The following A1BG variants were observed in gnomAD, a reference collection of about 807,000 sequenced individuals.
A1BG encodes alpha-1B-glycoprotein.
Under a neutral mutation model 46.0 loss-of-function variants are expected in A1BG, and 44 were observed. The observed-to-expected ratio is 0.96, with a 90% CI of 0.75 to 1.23. A1BG has a LOEUF of 1.23. A1BG is among the 50% of genes most tolerant of loss of function. A1BG has a pLI of 0.00. For synonymous variants in A1BG, 316 were observed against 314.7 expected (o/e 1.00, Z -0.04); for missense variants, 707 against 688.8 (o/e 1.03, Z -0.30).
At chr19:58,352,073 C>G in intron 4 of A1BG, 1 of 1,427,626 alleles carries the variant, frequency 7.0e-7, no homozygotes, top group Non-Finnish European at 9.1e-7. Context: ...GGATTATAGG[C>G]GTGAGCCACC....
chr19:58,347,782 G>C, intron 6 of A1BG, 142 bp from the exon 7 acceptor site: 1 of 481,012 alleles, frequency 2.1e-6, no homozygotes, highest in Non-Finnish European at 3.2e-6. Context: ...TGGGCGCAGA[G>C]GGCTCCTCCG....
At chr19:58,350,954 G>A (rs1400112115) in intron 5 of A1BG, 1 of 428,144 alleles carries the variant, frequency 2.3e-6, no homozygotes, top group Non-Finnish European at 4.2e-6. Context: ...TAGTGGATTT[G>A]CTCCACGAGC....
intron 3 of A1BG, 75 bp downstream of exon 3, chr19:58,352,853 A>G: frequency 1.3e-6 from 2 of 1,529,050 alleles, no homozygotes; most frequent in Non-Finnish European, 1.7e-6. Context: ...ACATCGGGTG[A>G]CTTGGAGGAA....
At position 58,347,383 on chromosome 19, in the gene A1BG, G is replaced by A; in HGVS notation, c.1450C>T (p.Leu484Phe). The A allele has an allele frequency of 6.2e-7, 1 of 1,612,270 alleles. No individual in the cohort carries two copies. The highest frequency in any genetic ancestry group is 1.3e-5 in the African/African-American group (1 of 75,046). The change falls in exon 7 of 8, where the codon CTC (leucine) becomes TTC (phenylalanine). Residue 484 changes from leucine to phenylalanine, a missense_variant. Transcript: ENST00000263100. ...ACCAGGAGCTCCACAGGGTCGCTGA[G>A]CTCCGATTCGAAGGTGTGGGGCACC... ...SWVPHTFESE[L>F]SDPVELLVAE...
Position 58,352,634 on chromosome 19 carries a change from T to G in A1BG, c.341-79A>C. On this transcript the variant is annotated intron_variant, in intron 3 of 7. Transcript: ENST00000263100. ...GCCCAGCAGAACCTGGGCCCCACAC[T>G]CATAAGACTGTGAAGGAGACAGGGA... 4.6e-6 allele frequency: 7 copies of G among 1,515,114 alleles called. No individual in the cohort carries two copies. In the South Asian group the frequency reaches 7.3e-5, roughly 16 times the overall value. 93.9% of individuals were successfully genotyped at this position (1,515,114 alleles called of 1,614,324 possible).
rs531696070 is a variant in A1BG at position 58,352,881 on chromosome 19, A to G, written c.340+47T>C. On this transcript the variant is annotated intron_variant, in intron 3 of 7. Transcript: ENST00000263100. ...TGGAGGAAGGGAGACCCCCCAGTCA[A>G]CAACCTACCCACTGCCTCCTGGCCC... 151 of 1,570,794 alleles carry G rather than the reference A, an allele frequency of 9.6e-5. 1 individual carries two copies. In the South Asian group the frequency reaches 1.6e-3, roughly 16 times the overall value.
chr19:58,352,632 A>G, intron 3 of A1BG, 77 bp from the exon 4 acceptor site: 1 of 1,513,900 alleles, frequency 6.6e-7, no homozygotes, highest in Non-Finnish European at 8.9e-7. Context: ...TGGGCCCCAC[A>G]CTCATAAGAC....
rs1316118141 is a variant in A1BG, at chr19:58,352,463, C to T, written c.433G>A (p.Gly145Ser). 3 of 1,613,544 alleles carry T rather than the reference C, an allele frequency of 1.9e-6. No homozygotes were observed. In the African/African-American group the frequency reaches 4.0e-5, roughly 22 times the overall value. The change falls in exon 4 of 8, where the codon GGT becomes AGT. Residue 145 changes from glycine to serine, a missense_variant. Coordinates refer to ENST00000263100, the MANE Select transcript of A1BG (RefSeq NM_130786.4). The part of the protein sequence containing the change: ...TTAVCRGVLR[G>S]VTFLLRREGD... Reference sequence around the variant, plus strand: ...TCCCGCCTCAGCAGAAAAGTCACACCCCGCAGCACACCTCGGCACACTGCT... The same window carrying T: ...TCCCGCCTCAGCAGAAAAGTCACACTCCGCAGCACACCTCGGCACACTGCT...
Position 58,350,355 on chromosome 19 carries a change from G to A in A1BG, c.1192+15C>T, listed in dbSNP as rs1016068380. 2.0e-6 allele frequency: 3 copies of A among 1,529,400 alleles called. No individual in the cohort carries two copies. The highest frequency in any genetic ancestry group is 2.6e-6 in the Non-Finnish European group (3 of 1,133,600). 94.7% of individuals were successfully genotyped at this position (1,529,400 alleles called of 1,614,324 possible). A position where few individuals can be genotyped will look rare whatever the true frequency, so the allele number is the denominator to read the frequency against. The stretch of plus-strand genomic sequence containing the variant: ...TGAACCCGCGCCCGCCCTCGCTGGT[G>A]CCCCGCCAGCTCACCGTCCACGTGC... On this transcript the variant is annotated intron_variant, in intron 6 of 7. Coordinates refer to ENST00000263100, the MANE Select transcript of A1BG (RefSeq NM_130786.4).
chr19:58,350,673 G>T, intron 5 of A1BG, 22 bp from the exon 6 acceptor site: 1 of 1,344,712 alleles, frequency 7.4e-7, no homozygotes, highest in South Asian at 1.9e-5. Context: ...CACACGGGCT[G>T]ACCCGGGCGC....
At position 58,353,099 on chromosome 19, in the gene A1BG, CTG is replaced by C. The variant is rs1469596610; in HGVS notation, c.167_168del (p.Pro56ArgfsTer17). The part of the protein sequence containing the change: ...TLTCQAHLET[P>X]DFQLFKNGVA... ...ACCCCATTCTTGAACAGCTGGAAGT[CTG>C]GAGTCTCCAGGTGGGCCTGGCACGT... On this transcript the variant is annotated frameshift_variant, in exon 3 of 8. Transcript: ENST00000263100. LOFTEE classifies it high-confidence loss of function. 6.2e-7 allele frequency: 1 copy of C among 1,614,182 alleles called. No individual in the cohort carries two copies. The highest frequency in any genetic ancestry group is 1.1e-5 in the South Asian group (1 of 91,090).
chr19:58,352,833 G>A, intron 3 of A1BG, 95 bp downstream of exon 3: 17 of 1,489,164 alleles, frequency 1.1e-5, no homozygotes, highest in Non-Finnish European at 1.4e-5. Flanking sequence ...TTGGGGCTTG[G>A]GGCTCAGAGA....
At chr19:58,352,135 T>G in intron 4 of A1BG, 148 bp downstream of exon 4, 1 of 1,489,044 alleles carries the variant, frequency 6.7e-7, no homozygotes, top group Non-Finnish European at 8.9e-7. Context: ...CAAACTCCTT[T>G]GCAACCATCA....
rs1429944006 is a variant in A1BG, at chr19:58,351,793, TTC to T, written c.614-108_614-107del. On this transcript the variant is annotated intron_variant, in intron 4 of 7. Coordinates refer to ENST00000263100, the MANE Select transcript of A1BG (RefSeq NM_130786.4). ...TGGCAATCCCAGGAACACCCTTCCA[TTC>T]TTTTTTTTTTTTTTTTTTGAAACGG... 5.6e-5 allele frequency: 57 copies of T among 1,024,940 alleles called. 2 individuals are homozygous for T. In the African/African-American group the frequency reaches 1.3e-3, roughly 23 times the overall value. 63.5% of individuals were successfully genotyped at this position (1,024,940 alleles called of 1,614,324 possible). A position where few individuals can be genotyped will look rare whatever the true frequency, so the allele number is the denominator to read the frequency against.
rs781336739 is a variant in A1BG, at chr19:58,352,337, C to T, written c.559G>A (p.Asp187Asn). 31 of 1,613,862 alleles carry T rather than the reference C, an allele frequency of 1.9e-5. 1 individual carries two copies. The highest frequency in any genetic ancestry group is 2.2e-5 in the Non-Finnish European group (26 of 1,180,024). ...PGNYSCSYRT[D>N]GEGALSEPSA... Reference sequence around the variant, plus strand: ...GGCTCAGAGAGGGCGCCTTCCCCATCGGTCCGGTAGCTGCAGCTGTAGTTG... The same window carrying T: ...GGCTCAGAGAGGGCGCCTTCCCCATTGGTCCGGTAGCTGCAGCTGTAGTTG... The change falls in exon 4 of 8, where the codon GAT becomes AAT. Residue 187 changes from aspartate (D) to asparagine (N), a missense_variant. Transcript: ENST00000263100.
At position 58,351,499 on chromosome 19, in the gene A1BG, C is replaced by T. The variant is rs754798923; in HGVS notation, c.802G>A (p.Ala268Thr). ...SPDRIFFHLN[A>T]VALGDGGHYT... ...TGACCTCCATCCCCCAGGGCCACCG[C>T]GTTCAGGTGAAAGAAGATGCGATCT... Residue 268 changes from alanine to threonine, a missense_variant, in exon 5 of 8, where the codon GCG becomes ACG. Physicochemically the swap from Ala to Thr is moderately conservative, Grantham distance 58. Coordinates refer to ENST00000263100, the MANE Select transcript of A1BG (RefSeq NM_130786.4). 22 of 1,613,734 alleles carry T rather than the reference C, an allele frequency of 1.4e-5. No individual in the cohort carries two copies. Among genetic ancestry groups the T allele is most frequent in the East Asian group, 4.5e-5 (2 of 44,896 alleles).
chr19:58,348,413 T>G (rs2051931517), intron 6 of A1BG: 1 of 152,202 alleles, frequency 6.6e-6, no homozygotes. Flanking sequence ...TGGAAGATTT[T>G]GGTAATGCTG....
intron 4 of A1BG, 37 bp from the exon 5 acceptor site, chr19:58,351,724 C>T (rs2051960847): frequency 1.3e-6 from 2 of 1,541,334 alleles, no homozygotes; most frequent in South Asian, 1.2e-5. Context: ...TGCCCCATCC[C>T]TGGAGCTGCC....
chr19:58,346,548 A>G lies in A1BG; in HGVS notation c.*474T>C. On this transcript the variant is annotated 3_prime_UTR_variant, in exon 8 of 8. Coordinates refer to ENST00000263100, the MANE Select transcript of A1BG (RefSeq NM_130786.4). ...AGACAAGCTTGGGCAACACAGTGAG[A>G]CCCTGTCTACAAAAAATAATAATTA... 4.1e-6 allele frequency: 1 copy of G among 246,010 alleles called. No homozygotes were observed. The highest frequency in any genetic ancestry group is 8.0e-6 in the Non-Finnish European group (1 of 124,746). The allele number at this position is 246,010 out of a possible 1,614,324, so 15.2% of individuals were successfully genotyped here. A position where few individuals can be genotyped will look rare whatever the true frequency, so the allele number is the denominator to read the frequency against.
Sources: gnomAD v4.1 joint callset for allele counts on GRCh38, gnomAD v4.1.1 for gene constraint, MANE v1.5 for transcripts, NCBI Gene and HGNC (gene_info 2026-07-23, HGNC 2026-07-21) for gene names.